NEDD4L: variants seen among roughly 807,000 people sequenced by gnomAD.
The protein encoded by NEDD4L is NEDD4 like E3 ubiquitin protein ligase.
In NEDD4L, 54 loss-of-function variants were observed where a neutral mutation model predicts 148.9. The observed-to-expected ratio is 0.36, with a 90% confidence interval of 0.29 to 0.45. The LOEUF is 0.45. NEDD4L is among the 20% of genes least tolerant of loss of function. The probability of loss-of-function intolerance (pLI) is 1.00; values close to 1 mark genes in which losing one functional copy is unlikely to be tolerated. For missense variants in NEDD4L, 856 were observed against 1,233.8 expected, an observed-to-expected ratio of 0.69 and a Z score of 4.59; for synonymous variants, 433 against 440.7, an observed-to-expected ratio of 0.98 and a Z score of 0.22.
intron 2 of NEDD4L, among the ~76,000 whole-genome samples, chr18:58,228,179 T>G (rs1356838297): frequency 6.6e-6 from 1 of 152,248 alleles, no homozygotes; most frequent in Non-Finnish European, 1.5e-5. Flanking sequence ...TGGAATGTGA[T>G]GCACACAAGT....
chr18:58,360,172 C>G (rs1381137709), intron 19 of NEDD4L: 1 of 152,152 alleles, frequency 6.6e-6, no homozygotes, highest in Non-Finnish European at 1.5e-5. Flanking sequence ...CATCATGTAC[C>G]TATGTGTGGA....
At chr18:58,224,637 T>G (rs1413779343) in intron 2 of NEDD4L, among the ~76,000 whole-genome samples, 1 of 152,256 alleles carries the variant, frequency 6.6e-6, no homozygotes, top group Non-Finnish European at 1.5e-5. Flanking sequence ...TGTATAACTA[T>G]TTAGCTTAAC....
rs143687596 is a variant in NEDD4L at position 58,387,877 on chromosome 18, C to T, written c.2547+379C>T. 2.2e-3 allele frequency: 373 copies of T among 165,808 alleles called. 2 individuals are homozygous for T. The highest frequency in any genetic ancestry group is 8.6e-3 in the African/African-American group (359 of 41,726). 10.3% of individuals were successfully genotyped at this position (165,808 alleles called of 1,614,324 possible). Reference sequence around the variant, plus strand: ...AGGTTTGCAGTAGCCCTCTGGACAGCAGAAACCTGCTTACACTACCAGACT... The same window carrying T: ...AGGTTTGCAGTAGCCCTCTGGACAGTAGAAACCTGCTTACACTACCAGACT... On this transcript the variant is annotated intron_variant, in intron 27 of 30. Coordinates refer to ENST00000400345, the MANE Select transcript of NEDD4L (RefSeq NM_001144967.3).
At chr18:58,353,148 C>T (rs1277997293) in intron 18 of NEDD4L, among the ~76,000 whole-genome samples, 4 of 152,220 alleles carry the variant, frequency 2.6e-5, no homozygotes, top group African/African-American at 4.8e-5. Flanking sequence ...CCACCCCCAC[C>T]GGCCTGAGGC....
At chr18:58,362,170 G>C (rs2075408) in intron 19 of NEDD4L, among the ~76,000 whole-genome samples, 1 of 152,164 alleles carries the variant, frequency 6.6e-6, no homozygotes, top group East Asian at 1.9e-4. Flanking sequence ...GCAAGGGAAC[G>C]GGCATCATAG....
Position 58,300,318 on chromosome 18 carries a change from G to T in NEDD4L, c.298-15664G>T, listed in dbSNP as rs548223119. ...AAAATTAATTGTGTGATGCAAATAG[G>T]AGGGTTACCACCCCAAGCTTAAATG... On this transcript the variant is annotated intron_variant, in intron 5 of 30. Transcript: ENST00000400345. 2.0e-5 allele frequency among the ~76,000 whole-genome samples: 3 copies of T among 152,318 alleles called. No homozygotes were observed. The East Asian group carries it at 5.8e-4, about 29-fold the overall frequency.
chr18:58,351,967 G>A (rs1601597125), intron 18 of NEDD4L, among the ~76,000 whole-genome samples: 2 of 152,146 alleles, frequency 1.3e-5, no homozygotes, highest in South Asian at 2.1e-4. Context: ...GGCATAGTAC[G>A]TTTTTCAGAT....
At chr18:58,392,078 G>T (rs995073471) in intron 30 of NEDD4L, among the ~76,000 whole-genome samples, 2 of 152,240 alleles carry the variant, frequency 1.3e-5, no homozygotes, top group African/African-American at 2.4e-5. Context: ...AGCGTGGAGC[G>T]TGGCTGCCCT....
chr18:58,147,637 A>G (rs979063024), intron 1 of NEDD4L, among the ~76,000 whole-genome samples: 2 of 152,228 alleles, frequency 1.3e-5, no homozygotes, highest in Non-Finnish European at 2.9e-5. Flanking sequence ...AATCTCTGCT[A>G]ATATAAGAGG....
chr18:58,334,500 C>T (rs1263505059), intron 12 of NEDD4L, among the ~76,000 whole-genome samples: 6 of 152,144 alleles, frequency 3.9e-5, no homozygotes, highest in Non-Finnish European at 7.4e-5. Flanking sequence ...ACTAGAACTG[C>T]CCTGAGAGAT....
intron 1 of NEDD4L, among the ~76,000 whole-genome samples, chr18:58,112,105 T>C (rs1460042449): frequency 6.6e-6 from 1 of 152,154 alleles, no homozygotes; most frequent in African/African-American, 2.4e-5. Flanking sequence ...TTTATCCATG[T>C]TTGGCTGTTT....
intron 1 of NEDD4L, chr18:58,047,637 CT>C: frequency 2.6e-6 from 1 of 389,622 alleles, no homozygotes; most frequent in Non-Finnish European, 3.5e-6. Flanking sequence ...AGTCATGTCA[CT>C]TTAGGTAGCC....
intron 2 of NEDD4L, among the ~76,000 whole-genome samples, chr18:58,225,185 C>G (rs2044219698): frequency 6.6e-6 from 1 of 152,154 alleles, no homozygotes; most frequent in Admixed American, 6.5e-5. Context: ...GGCCCTGTCA[C>G]CCGTGTGGAA....
intron 2 of NEDD4L, among the ~76,000 whole-genome samples, chr18:58,180,757 T>C (rs968100263): frequency 6.6e-6 from 1 of 152,266 alleles, no homozygotes; most frequent in Non-Finnish European, 1.5e-5. Flanking sequence ...ATTGCTTTTC[T>C]GTCCTCCCTA....
intron 1 of NEDD4L, among the ~76,000 whole-genome samples, chr18:58,089,866 G>A (rs963796847): frequency 3.4e-5 from 5 of 145,274 alleles, no homozygotes; most frequent in Non-Finnish European, 6.0e-5. Context: ...TTGAGACAGA[G>A]TCTTACTCTG....
At chr18:58,179,325 C>T (rs2038556317) in intron 2 of NEDD4L, among the ~76,000 whole-genome samples, 1 of 152,150 alleles carries the variant, frequency 6.6e-6, no homozygotes, top group African/African-American at 2.4e-5. Context: ...CCTGGAATGT[C>T]AAAATATCAG....
chr18:58,375,744 A>T (rs755404354), intron 24 of NEDD4L, among the ~76,000 whole-genome samples: 6 of 152,118 alleles, frequency 3.9e-5, no homozygotes, highest in Non-Finnish European at 7.3e-5. Context: ...CATGTAGTTG[A>T]TGCCTGCCAG....
At chr18:58,062,047 A>G (rs1486788098) in intron 1 of NEDD4L, among the ~76,000 whole-genome samples, 1 of 152,214 alleles carries the variant, frequency 6.6e-6, no homozygotes, top group Non-Finnish European at 1.5e-5. Flanking sequence ...ACTCTTCATA[A>G]TATCTCATTA....
At chr18:58,105,252 T>A (rs2084998899) in intron 1 of NEDD4L, among the ~76,000 whole-genome samples, 1 of 152,140 alleles carries the variant, frequency 6.6e-6, no homozygotes, top group African/African-American at 2.4e-5. Flanking sequence ...CAGAAACGCA[T>A]AATGGGCTGT....
Sources: allele counts gnomAD v4.1 joint callset (sites outside exome capture counted in the v4.1 genomes callset), GRCh38; gene constraint gnomAD v4.1.1; transcripts MANE v1.5; gene names NCBI Gene and HGNC (gene_info 2026-07-23, HGNC 2026-07-21).